Variants in TET2 observed in about 807,000 individuals in gnomAD.
The protein encoded by TET2 is methylcytosine dioxygenase TET2.
TET2 carries 299 observed loss-of-function variants against 142.9 expected under a neutral mutation model. The observed-to-expected ratio is 2.09, with a 90% confidence interval of 1.90 to 2.30. The LOEUF (loss-of-function observed/expected upper bound fraction) is 2.30, where lower values mean the gene tolerates loss of function less well. TET2 is among the 30% of genes most tolerant of loss of function. TET2 has a pLI of 0.00. For synonymous variants in TET2, 819 were observed against 849.0 expected (o/e 0.96, Z 0.61); for missense variants, 2,418 against 2,378.0 (o/e 1.02, Z -0.35).
chr4:105,147,257 G>C (rs916618778), intron 1 of TET2, among the ~76,000 whole-genome samples: 1 of 152,152 alleles, frequency 6.6e-6, no homozygotes, highest in Non-Finnish European at 1.5e-5. Context: ...TGCCTCCGAC[G>C]AGCCGGTTTC....
intron 1 of TET2, among the ~76,000 whole-genome samples, chr4:105,154,471 T>C (rs1723463263): frequency 6.6e-6 from 1 of 152,196 alleles, no homozygotes. Flanking sequence ...CCTGGCACTT[T>C]GGGAGGCCAA....
At chr4:105,239,033 G>A (rs1435767125) in intron 3 of TET2, 1 of 237,906 alleles carries the variant, frequency 4.2e-6, no homozygotes, top group East Asian at 6.4e-5. Flanking sequence ...TAGGTGCCTT[G>A]AGCAGTAATA....
chr4:105,233,801 C>T, intron 2 of TET2, 96 bp from the exon 3 acceptor site: 1 of 658,918 alleles, frequency 1.5e-6, no homozygotes, highest in Admixed American at 3.5e-5. Flanking sequence ...GATATTTATC[C>T]ACAATTATTC....
chr4:105,161,029 C>T (rs1466243953), intron 1 of TET2, among the ~76,000 whole-genome samples: 2 of 152,168 alleles, frequency 1.3e-5, no homozygotes, highest in Non-Finnish European at 2.9e-5. Context: ...TCGCCTCAGC[C>T]TCCCAAAGTG....
intron 8 of TET2, among the ~76,000 whole-genome samples, chr4:105,266,085 G>A (rs973460750): frequency 1.3e-5 from 2 of 152,158 alleles, no homozygotes; most frequent in African/African-American, 4.8e-5. Context: ...GCACATGCAT[G>A]TGAAAAAACT....
chr4:105,241,140 AC>A, intron 3 of TET2, 198 bp from the exon 4 acceptor site: 2 of 1,171,444 alleles, frequency 1.7e-6, no homozygotes, highest in Non-Finnish European at 2.2e-6. Flanking sequence ...TTATCCAACA[AC>A]CAGCATGTAC....
intron 8 of TET2, among the ~76,000 whole-genome samples, chr4:105,266,879 T>C (rs1560567844): frequency 6.6e-6 from 1 of 151,920 alleles, no homozygotes; most frequent in African/African-American, 2.4e-5. Flanking sequence ...AACCCACAGA[T>C]CTCAGCAGCT....
rs1177676963 is a variant in TET2 at position 105,235,593 on chromosome 4, G to T, written c.1651G>T (p.Asp551Tyr). The T allele has an allele frequency of 6.2e-7, 1 of 1,614,156 alleles. No individual in the cohort carries two copies. Among genetic ancestry groups the T allele is most frequent in the African/African-American group, 1.3e-5 (1 of 75,042 alleles). Residue 551 changes from aspartate (D) to tyrosine (Y), a missense_variant, in exon 3 of 11, where the codon GAT becomes TAT. Transcript: ENST00000380013. Reference sequence around the variant, plus strand: ...GGGTCGAGACAAGGAGCAAACACGAGATCTTGTGCCCCCAACACAGCACTA... The same window carrying T: ...GGGTCGAGACAAGGAGCAAACACGATATCTTGTGCCCCCAACACAGCACTA... ...LKGRDKEQTR[D>Y]LVPPTQHYLK...
Position 105,278,374 on chromosome 4 carries a change from T to C in TET2, c.*1855T>C. On this transcript the variant is annotated 3_prime_UTR_variant, in exon 11 of 11. Coordinates refer to ENST00000380013, the MANE Select transcript of TET2 (RefSeq NM_001127208.3). ...CTGAGAGTGAAAGCATTGTGTACCA[T>C]CATTTTTTTCCAAGTCCTTTTTTTT... is the stretch of plus-strand genomic sequence containing the variant. 4.7e-6 allele frequency: 1 copy of C among 212,992 alleles called. No individual in the cohort carries two copies. Among genetic ancestry groups the C allele is most frequent in the Non-Finnish European group, 9.5e-6 (1 of 105,764 alleles). 13.2% of individuals were successfully genotyped at this position (212,992 alleles called of 1,614,324 possible). A position where few individuals can be genotyped will look rare whatever the true frequency, so the allele number is the denominator to read the frequency against.
chr4:105,160,924 C>G (rs1723820893), intron 1 of TET2, among the ~76,000 whole-genome samples: 2 of 152,070 alleles, frequency 1.3e-5, no homozygotes, highest in African/African-American at 4.8e-5. Context: ...TACAGGCACT[C>G]GCCACCACGC....
chr4:105,214,796 G>A (rs1727394351), intron 2 of TET2, among the ~76,000 whole-genome samples: 1 of 152,046 alleles, frequency 6.6e-6, no homozygotes, highest in East Asian at 1.9e-4. Context: ...GAAGCTCCGT[G>A]CACTTTCCTT....
At chr4:105,194,849 C>G (rs1308377676) in intron 2 of TET2, among the ~76,000 whole-genome samples, 1 of 152,162 alleles carries the variant, frequency 6.6e-6, no homozygotes, top group African/African-American at 2.4e-5. Context: ...CTCCATTACA[C>G]ATGCCACATG....
intron 2 of TET2, among the ~76,000 whole-genome samples, chr4:105,232,801 C>T (rs1429668945): frequency 6.6e-6 from 1 of 152,162 alleles, no homozygotes; most frequent in African/African-American, 2.4e-5. Context: ...CAGCCAGCCC[C>T]TCTAGAGAAA....
intron 6 of TET2, among the ~76,000 whole-genome samples, chr4:105,255,429 G>A (rs750612531): frequency 4.6e-5 from 7 of 152,162 alleles, no homozygotes; most frequent in South Asian, 2.1e-4. Flanking sequence ...AATGTTTCAC[G>A]TGTGCTTGAG....
chr4:105,160,725 G>C (rs1025796025), intron 1 of TET2, among the ~76,000 whole-genome samples: 1 of 152,130 alleles, frequency 6.6e-6, no homozygotes, highest in African/African-American at 2.4e-5. Context: ...CTTTTCCCAA[G>C]AGCTAAACCA....
chr4:105,217,219 T>C (rs1367267485), intron 2 of TET2, among the ~76,000 whole-genome samples: 1 of 152,070 alleles, frequency 6.6e-6, no homozygotes, highest in East Asian at 1.9e-4. Flanking sequence ...AAGTTATGAT[T>C]TTGTATTTGG....
In TET2 at chr4:105,265,324, T is replaced by C. The variant is rs186100763; in HGVS notation, c.4044+3476T>C. 2.5e-4 allele frequency among the ~76,000 whole-genome samples: 38 copies of C among 152,342 alleles called. No individual in the cohort carries two copies. In the East Asian group the frequency reaches 4.0e-3, roughly 16 times the overall value. ...AACACAAACAGCCACATGTGGATAA[T>C]GGTTACCATAGTGAACAGCACAACC... is the stretch of plus-strand genomic sequence containing the variant. On this transcript the variant is annotated intron_variant, in intron 8 of 10. Transcript: ENST00000380013.
chr4:105,240,792 G>A (rs1729252630), intron 3 of TET2: 1 of 1,079,298 alleles, frequency 9.3e-7, no homozygotes, highest in South Asian at 4.6e-5. Context: ...TTGTTCTAAA[G>A]TACATACTAA....
intron 1 of TET2, among the ~76,000 whole-genome samples, chr4:105,174,687 C>G (rs1724676943): frequency 6.6e-6 from 1 of 152,194 alleles, no homozygotes; most frequent in Non-Finnish European, 1.5e-5. Context: ...TCCAGGAGGA[C>G]TCACTTACGG....
Sources: allele counts gnomAD v4.1 joint callset (sites outside exome capture counted in the v4.1 genomes callset), GRCh38; gene constraint gnomAD v4.1.1; transcripts MANE v1.5; gene names NCBI Gene and HGNC (gene_info 2026-07-23, HGNC 2026-07-21).